The following ZKSCAN4 variants were observed in gnomAD, a reference collection of about 807,000 sequenced individuals.
ZKSCAN4 encodes the protein zinc finger protein with KRAB and SCAN domains 4.
A neutral mutation model predicts 30.8 loss-of-function variants in ZKSCAN4; 23 were observed. The observed-to-expected ratio is 0.75, with a 90% CI of 0.54 to 1.06. The LOEUF is 1.06. ZKSCAN4 is among the 50% of genes least tolerant of loss of function. ZKSCAN4 has a pLI of 0.00. For missense variants in ZKSCAN4, 556 were observed against 665.4 expected, an observed-to-expected ratio of 0.84 and a Z score of 1.81; for synonymous variants, 208 against 252.5, an observed-to-expected ratio of 0.82 and a Z score of 1.67.
In ZKSCAN4 at chr6:28,245,066, G is replaced by T; in HGVS notation, c.*50C>A. The stretch of plus-strand genomic sequence containing the variant: ...TGTAACCATTAAGGGCTCCAGGGTG[G>T]CTTCAGTTCAGTGACAAATGAGCAC... On this transcript the variant is annotated 3_prime_UTR_variant, in exon 5 of 5. Transcript: ENST00000377294. 1 of 1,613,118 alleles carries T rather than the reference G, an allele frequency of 6.2e-7. No homozygotes were observed.
rs1265988242 is a variant in ZKSCAN4 at position 28,252,166 on chromosome 6, GT to G, written c.-187del. ...CTCTTATAGTCCGTGCCTTTGCAGG[GT>G]CGTCCTCTGCACCCCACTCTGAATC... On this transcript the variant is annotated 5_prime_UTR_variant, in exon 1 of 5. Coordinates refer to ENST00000377294, the MANE Select transcript of ZKSCAN4 (RefSeq NM_019110.5). The G allele has an allele frequency of 2.0e-6, 1 of 494,680 alleles. No individual in the cohort carries two copies. Among genetic ancestry groups the G allele is most frequent in the Non-Finnish European group, 3.4e-6 (1 of 291,764 alleles). The allele number at this position is 494,680 out of a possible 1,614,324, so 30.6% of individuals were successfully genotyped here. A position where few individuals can be genotyped will look rare whatever the true frequency, so the allele number is the denominator to read the frequency against.
At chr6:28,259,145 A>G in the ZKSCAN4 span, among the ~76,000 whole-genome samples, 2 of 152,224 alleles carry the variant, frequency 1.3e-5, no homozygotes, top group African/African-American at 4.8e-5. Context: ...GTTGGGGAAT[A>G]TAAGTCCTAA....
In ZKSCAN4 at chr6:28,244,958, A is replaced by G; in HGVS notation, c.*158T>C. The G allele has an allele frequency of 1.1e-6, 1 of 933,550 alleles. No individual in the cohort carries two copies. Among genetic ancestry groups the G allele is most frequent in the Non-Finnish European group, 1.7e-6 (1 of 582,228 alleles). The allele number at this position is 933,550 out of a possible 1,614,324, so 57.8% of individuals were successfully genotyped here. ...TTCCAATCACTTTCTAGAATGTAGA[A>G]GATAACTCATCGTCTCAGCCAGACT... On this transcript the variant is annotated 3_prime_UTR_variant, in exon 5 of 5. Coordinates refer to ENST00000377294, the MANE Select transcript of ZKSCAN4 (RefSeq NM_019110.5).
Position 28,245,322 on chromosome 6 carries a change from A to C in ZKSCAN4, c.1432T>G (p.Trp478Gly), listed in dbSNP as rs1369460169. 6.2e-7 allele frequency: 1 copy of C among 1,613,940 alleles called. No individual in the cohort carries two copies. The highest frequency in any genetic ancestry group is 1.3e-5 in the African/African-American group (1 of 74,870). The part of the protein sequence containing the change: ...WESQGRTESQ[W>G]ENTEAPVSYK... The stretch of plus-strand genomic sequence containing the variant: ...GACACGGGAGCCTCAGTATTTTCCC[A>C]CTGGCTTTCCGTCCTACCCTGACTT... Residue 478 changes from tryptophan to glycine, a missense_variant, in exon 5 of 5, where the codon TGG (tryptophan) becomes GGG (glycine). This residue lies in a region of ZKSCAN4 where 433 missense variants were observed against 511.5 expected (regional missense o/e 0.85). Coordinates refer to ENST00000377294, the MANE Select transcript of ZKSCAN4 (RefSeq NM_019110.5).
chr6:28,252,325 C>T (rs1325014332), upstream of ZKSCAN4: 4 of 186,234 alleles, frequency 2.1e-5, no homozygotes, highest in Non-Finnish European at 3.3e-5. Context: ...CTCTAGGAAG[C>T]TTCTCTCGGT....
In ZKSCAN4 at chr6:28,249,875, T is replaced by C. The variant is rs773825392; in HGVS notation, c.424-41A>G. On this transcript the variant is annotated intron_variant, in intron 1 of 4. Coordinates refer to ENST00000377294, the MANE Select transcript of ZKSCAN4 (RefSeq NM_019110.5). This position sits in a 1 kb window ranked among gnomAD's most constrained non-coding sequence, Gnocchi z 4.1. ...TTTAGTTATCTACCCAACATTTCTA[T>C]GTTTTCCATGTGCAAGTGATTTCTA... is the stretch of plus-strand genomic sequence containing the variant. 4 of 1,607,254 alleles carry C rather than the reference T, an allele frequency of 2.5e-6. No individual in the cohort carries two copies. The African/African-American group carries it at 4.0e-5, about 16-fold the overall frequency.
Position 28,243,661 on chromosome 6 carries a change from T to C in ZKSCAN4, c.*1455A>G, listed in dbSNP as rs187643894. Among the ~76,000 whole-genome samples, 10 of 151,408 alleles carry C rather than the reference T, an allele frequency of 6.6e-5. No individual in the cohort carries two copies. In the East Asian group the frequency reaches 1.7e-3, roughly 26 times the overall value. The stretch of plus-strand genomic sequence containing the variant: ...GTGCTTCTGAACAGACACATTTTCT[T>C]TTCTTTTTTTTTTTTCTTTTTGAGA... On this transcript the variant is annotated 3_prime_UTR_variant, in exon 5 of 5. Coordinates refer to ENST00000377294, the MANE Select transcript of ZKSCAN4 (RefSeq NM_019110.5).
intron 3 of ZKSCAN4, among the ~76,000 whole-genome samples, 195 bp downstream of exon 3, chr6:28,247,872 A>G (rs1413424235): frequency 6.6e-6 from 1 of 152,252 alleles, no homozygotes; most frequent in African/African-American, 2.4e-5. Context: ...TTGTTGTGAA[A>G]CAGGAAAGTC....
intron 4 of ZKSCAN4, 49 bp from the exon 5 acceptor site, chr6:28,246,024 G>A (rs1561857479): frequency 4.3e-6 from 7 of 1,613,436 alleles, no homozygotes; most frequent in Non-Finnish European, 5.9e-6. Flanking sequence ...TGCCATGGGA[G>A]GAAAGCTCTG....
At chr6:28,246,826 G>T in intron 4 of ZKSCAN4, 143 bp downstream of exon 4, 1 of 971,504 alleles carries the variant, frequency 1.0e-6, no homozygotes, top group Non-Finnish European at 1.5e-6. Flanking sequence ...GGAGTAAGGA[G>T]CTAGTAGTCA....
chr6:28,250,924 A>G (rs1256047947), intron 1 of ZKSCAN4, among the ~76,000 whole-genome samples: 1 of 152,226 alleles, frequency 6.6e-6, no homozygotes, highest in Non-Finnish European at 1.5e-5. Flanking sequence ...ACACAGGACG[A>G]TGCAAAGAGG....
Position 28,249,973 on chromosome 6 carries a change from T to C in ZKSCAN4, c.424-139A>G. The C allele has an allele frequency of 9.9e-7, 1 of 1,009,524 alleles. No homozygotes were observed. Among genetic ancestry groups the C allele is most frequent in the Non-Finnish European group, 1.4e-6 (1 of 706,640 alleles). The allele number at this position is 1,009,524 out of a possible 1,614,324, so 62.5% of individuals were successfully genotyped here. ...TATAGATAACAACCCTGTGAGCTAT[T>C]ATTTTGGATTTTTATGATAAGTTGC... is the stretch of plus-strand genomic sequence containing the variant. On this transcript the variant is annotated intron_variant, in intron 1 of 4. Transcript: ENST00000377294. This position sits in a 1 kb window ranked among gnomAD's most constrained non-coding sequence, Gnocchi z 4.1.
upstream of ZKSCAN4, among the ~76,000 whole-genome samples, chr6:28,256,446 A>G (rs1171146863): frequency 6.6e-6 from 1 of 152,198 alleles, no homozygotes; most frequent in South Asian, 2.1e-4. Context: ...ATAATAAAAT[A>G]AAATAAAAAC....
At chr6:28,247,217 G>T in intron 3 of ZKSCAN4, 125 bp from the exon 4 acceptor site, 1 of 1,057,776 alleles carries the variant, frequency 9.5e-7, no homozygotes, top group Non-Finnish European at 1.3e-6. Context: ...CACCAATTTA[G>T]CTTTATCTCT....
chr6:28,251,758 G>C lies in ZKSCAN4; in HGVS notation c.223C>G (p.Arg75Gly). The stretch of plus-strand genomic sequence containing the variant: ...TGCAGCCATTGTCCGCAGAGTTCTC[G>C]GAGCCGGCTCAACGCCTCGCGGGGG... ...AGPREALSRL[R>G]ELCGQWLQPE... The change falls in exon 1 of 5, where the codon CGA (arginine) becomes GGA (glycine). Residue 75 changes from arginine (R) to glycine (G), a missense_variant. Arg to Gly is a moderately radical substitution (Grantham distance 125). This residue lies in a region of ZKSCAN4 where 115 missense variants were observed against 125.9 expected (regional missense o/e 0.91). Transcript: ENST00000377294. The surrounding 1 kb of genome is among the most constrained non-coding windows in gnomAD (Gnocchi z 4.5). The C allele has an allele frequency of 6.2e-7, 1 of 1,614,248 alleles. No homozygotes were observed. Among genetic ancestry groups the C allele is most frequent in the Non-Finnish European group, 8.5e-7 (1 of 1,180,034 alleles).
rs1471527788 is a variant in ZKSCAN4 at position 28,242,784 on chromosome 6, G to C, written c.*2332C>G. Among the ~76,000 whole-genome samples, 1 of 152,002 alleles carries C rather than the reference G, an allele frequency of 6.6e-6. No homozygotes were observed. Among genetic ancestry groups the C allele is most frequent in the East Asian group, 1.9e-4 (1 of 5,176 alleles). The stretch of plus-strand genomic sequence containing the variant: ...ACACACACACACACACACACAAATA[G>C]AGGCTTTATTTCTTCCCTTTTCTAG... On this transcript the variant is annotated 3_prime_UTR_variant, in exon 5 of 5. Coordinates refer to ENST00000377294, the MANE Select transcript of ZKSCAN4 (RefSeq NM_019110.5).
chr6:28,247,304 A>G (rs1183401583), intron 3 of ZKSCAN4, among the ~76,000 whole-genome samples: 1 of 152,248 alleles, frequency 6.6e-6, no homozygotes, highest in Non-Finnish European at 1.5e-5. Flanking sequence ...TTTCATATAA[A>G]TATCTAAACA....
chr6:28,259,136 T>G, the ZKSCAN4 span, among the ~76,000 whole-genome samples: 2 of 152,120 alleles, frequency 1.3e-5, no homozygotes, highest in African/African-American at 2.4e-5. Context: ...ACGGCTCAAG[T>G]TGGGGAATAT....
intron 4 of ZKSCAN4, 78 bp from the exon 5 acceptor site, chr6:28,246,053 C>T (rs1348582407): frequency 6.3e-7 from 1 of 1,576,996 alleles, no homozygotes; most frequent in South Asian, 1.1e-5. Flanking sequence ...ACTAGGGAGA[C>T]AAGAATTACA....
Sources: gnomAD v4.1 joint callset for allele counts (sites outside exome capture counted in the v4.1 genomes callset) on GRCh38, gnomAD v4.1.1 for gene constraint, gnomAD v4.1.1 regional missense constraint, Gnocchi (gnomAD v3.1) non-coding constraint, MANE v1.5 for transcripts, NCBI Gene and HGNC (gene_info 2026-07-23, HGNC 2026-07-21) for gene names.